Variants in GRAP2 observed in about 807,000 individuals in gnomAD.
The protein encoded by GRAP2 is GRB2-related adapter protein 2.
GRAP2 carries 31 observed loss-of-function variants against 43.5 expected under a neutral mutation model. The ratio of observed to expected loss-of-function variants is 0.71; its 90% confidence interval spans 0.54 to 0.96. The LOEUF (loss-of-function observed/expected upper bound fraction) is 0.96. Ranked by LOEUF, GRAP2 falls within the 40% of genes least tolerant of loss-of-function variation. The pLI is 0.00. For synonymous variants in GRAP2, 156 were observed against 164.8 expected (o/e 0.95, Z 0.41); for missense variants, 371 against 424.4 (o/e 0.87, Z 1.11).
At chr22:39,937,669 A>G (rs1452289870) in intron 1 of GRAP2, among the ~76,000 whole-genome samples, 1 of 152,214 alleles carries the variant, frequency 6.6e-6, no homozygotes, top group Admixed American at 6.5e-5. Context: ...CTTCCCTGCA[A>G]CACTGGGGAC....
At chr22:39,926,064 T>C (rs2066694250) in intron 1 of GRAP2, among the ~76,000 whole-genome samples, 1 of 152,198 alleles carries the variant, frequency 6.6e-6, no homozygotes, top group Non-Finnish European at 1.5e-5. Flanking sequence ...CTGCCTCCTG[T>C]CCTTCAACTG....
At chr22:39,955,603 GA>G (rs942734081) in intron 2 of GRAP2, among the ~76,000 whole-genome samples, 19 of 152,186 alleles carry the variant, frequency 1.2e-4, no homozygotes, top group Admixed American at 5.9e-4. Flanking sequence ...CAAGTGGACA[GA>G]AATAACCTGG....
At chr22:39,943,518 C>A (rs771890140) in intron 1 of GRAP2, among the ~76,000 whole-genome samples, 1 of 151,928 alleles carries the variant, frequency 6.6e-6, no homozygotes, top group Non-Finnish European at 1.5e-5. Flanking sequence ...TGAGGCCCTA[C>A]AAATGGCATC....
intron 4 of GRAP2, chr22:39,963,924 G>A (rs2087720877): frequency 6.5e-6 from 1 of 153,490 alleles, no homozygotes; most frequent in Admixed American, 6.5e-5. Flanking sequence ...GCTGAGGCAG[G>A]AGAATGGCAT....
At chr22:39,913,066 G>A (rs545179501) in intron 1 of GRAP2, among the ~76,000 whole-genome samples, 3 of 151,844 alleles carry the variant, frequency 2.0e-5, no homozygotes, top group African/African-American at 7.3e-5. Context: ...GGTGGCGGGC[G>A]CCTGTAATCC....
chr22:39,926,692 G>A, intron 1 of GRAP2: 1 of 985,354 alleles, frequency 1.0e-6, no homozygotes, highest in Non-Finnish European at 1.2e-6. Context: ...TGCCATGCAT[G>A]AGTCGGGGGA....
chr22:39,952,501 A>C (rs2066996503), intron 2 of GRAP2, among the ~76,000 whole-genome samples: 1 of 152,112 alleles, frequency 6.6e-6, no homozygotes. Flanking sequence ...TTGTGTTTTT[A>C]CGTGGCTACG....
intron 1 of GRAP2, among the ~76,000 whole-genome samples, chr22:39,914,343 A>T (rs1025358791): frequency 6.6e-6 from 1 of 152,126 alleles, no homozygotes; most frequent in African/African-American, 2.4e-5. Context: ...TGTTCAGCAA[A>T]CGCTTTCACT....
chr22:39,920,342 T>C (rs1476335023), intron 1 of GRAP2, among the ~76,000 whole-genome samples: 1 of 152,222 alleles, frequency 6.6e-6, no homozygotes, highest in Non-Finnish European at 1.5e-5. Flanking sequence ...CTTCCCGTTA[T>C]GCCCAATGTG....
chr22:39,919,854 TA>T (rs1234092908), intron 1 of GRAP2, among the ~76,000 whole-genome samples: 1 of 152,252 alleles, frequency 6.6e-6, no homozygotes, highest in Non-Finnish European at 1.5e-5. Context: ...ATGCTGGATA[TA>T]TATTGTTTTA....
intron 4 of GRAP2, among the ~76,000 whole-genome samples, chr22:39,962,629 G>A (rs1201758106): frequency 1.3e-5 from 2 of 151,974 alleles, no homozygotes; most frequent in Admixed American, 6.6e-5. Flanking sequence ...GATGACTCTG[G>A]CTTTTTCAGC....
At position 39,969,386 on chromosome 22, in the gene GRAP2, C is replaced by G. The variant is rs199886896; in HGVS notation, c.691-25C>G. On this transcript the variant is annotated intron_variant, in intron 6 of 7. Transcript: ENST00000344138. ...GGGAGATGTCCTGGCAGTGGGGTGA[C>G]CAGTCTTCTGTTGTATGTTTCTAGG... 24 of 1,612,924 alleles carry G rather than the reference C, an allele frequency of 1.5e-5. No homozygotes were observed. The East Asian group carries it at 3.8e-4, about 25-fold the overall frequency.
intron 4 of GRAP2, among the ~76,000 whole-genome samples, chr22:39,961,605 C>T (rs1205143365): frequency 6.6e-6 from 1 of 152,188 alleles, no homozygotes; most frequent in Non-Finnish European, 1.5e-5. Flanking sequence ...GTAGACATTA[C>T]ACAGCCCCAA....
intron 1 of GRAP2, among the ~76,000 whole-genome samples, chr22:39,914,509 C>G (rs1044293279): frequency 3.9e-5 from 6 of 152,272 alleles, no homozygotes; most frequent in African/African-American, 1.4e-4. Flanking sequence ...AGCTGCAAAA[C>G]AAAGTTCTTT....
At chr22:39,924,929 T>A (rs192309238) in intron 1 of GRAP2, among the ~76,000 whole-genome samples, 1 of 152,002 alleles carries the variant, frequency 6.6e-6, no homozygotes, top group East Asian at 1.9e-4. Flanking sequence ...AGGACAGGAG[T>A]AACAAGACAG....
chr22:39,946,469 C>T (rs1251968327), intron 1 of GRAP2, among the ~76,000 whole-genome samples: 1 of 152,144 alleles, frequency 6.6e-6, no homozygotes, highest in Non-Finnish European at 1.5e-5. Flanking sequence ...TCAAAATTCC[C>T]AAAATGTACT....
chr22:39,946,660 C>T (rs1359348383), intron 1 of GRAP2, among the ~76,000 whole-genome samples: 1 of 152,182 alleles, frequency 6.6e-6, no homozygotes, highest in Non-Finnish European at 1.5e-5. Context: ...GTCTAATTAA[C>T]ACTGCCTGGT....
intron 1 of GRAP2, among the ~76,000 whole-genome samples, chr22:39,906,630 T>A (rs1013387879): frequency 6.6e-6 from 1 of 151,398 alleles, no homozygotes; most frequent in Non-Finnish European, 1.5e-5. Flanking sequence ...CCTTTTTATG[T>A]TTTTTAATGA....
chr22:39,934,908 G>A (rs1017033659), intron 1 of GRAP2, among the ~76,000 whole-genome samples: 2 of 152,102 alleles, frequency 1.3e-5, no homozygotes, highest in African/African-American at 4.8e-5. Flanking sequence ...AGCCAACAGT[G>A]TAACACAATT....
Sources: allele counts gnomAD v4.1 joint callset (sites outside exome capture counted in the v4.1 genomes callset), GRCh38; gene constraint gnomAD v4.1.1; transcripts MANE v1.5; gene names NCBI Gene and HGNC (gene_info 2026-07-23, HGNC 2026-07-21).